IQGAP2: variants seen among roughly 807,000 people sequenced by gnomAD.
The protein encoded by IQGAP2 is IQ motif containing GTPase activating protein 2.
Under a neutral mutation model 201.3 loss-of-function variants are expected in IQGAP2, and 173 were observed. That is an observed-to-expected ratio of 0.86 (90% CI 0.76 to 0.98). The LOEUF is 0.98. Ranked by LOEUF, IQGAP2 falls within the 50% of genes least tolerant of loss-of-function variation. The pLI, the probability that IQGAP2 is intolerant of heterozygous loss-of-function variation, is 0.00. For missense variants in IQGAP2, 1,687 were observed against 1,864.8 expected (o/e 0.90, Z 1.76); for synonymous variants, 675 against 673.9 (o/e 1.00, Z -0.03).
chr5:76,487,675 T>C (rs1756251746), intron 2 of IQGAP2, among the ~76,000 whole-genome samples: 1 of 152,162 alleles, frequency 6.6e-6, no homozygotes, highest in African/African-American at 2.4e-5. Context: ...ATGTGCTTTT[T>C]TTTATGCAGC....
chr5:76,668,754 T>C lies in IQGAP2; in HGVS notation c.2753T>C (p.Val918Ala). 1 of 1,610,916 alleles carries C rather than the reference T, an allele frequency of 6.2e-7. No homozygotes were observed. Among genetic ancestry groups the C allele is most frequent in the Non-Finnish European group, 8.5e-7 (1 of 1,177,948 alleles). The stretch of plus-strand genomic sequence containing the variant: ...AAGTCCACTAAATTTATGGATACTG[T>C]TATTTTCACACTATATAATTATGCC... ...QNKSTKFMDT[V>A]IFTLYNYASN... is the part of the protein sequence containing the mutation. Residue 918 changes from valine to alanine, a missense_variant, in exon 23 of 36, where the codon GTT becomes GCT. Transcript: ENST00000274364.
intron 28 of IQGAP2, among the ~76,000 whole-genome samples, chr5:76,678,577 T>C (rs952238349): frequency 1.3e-5 from 2 of 152,222 alleles, no homozygotes; most frequent in African/African-American, 4.8e-5. Context: ...CCTGGGGATA[T>C]GTTAGCAATG....
At chr5:76,557,892 C>T (rs749377993) in intron 2 of IQGAP2, among the ~76,000 whole-genome samples, 6 of 152,032 alleles carry the variant, frequency 3.9e-5, no homozygotes, top group Non-Finnish European at 7.4e-5. Flanking sequence ...CTGCAACCTC[C>T]GCCTCTCAGA....
At chr5:76,540,081 C>T (rs1046409669) in intron 2 of IQGAP2, among the ~76,000 whole-genome samples, 3 of 152,114 alleles carry the variant, frequency 2.0e-5, no homozygotes, top group African/African-American at 7.2e-5. Context: ...CAAAGCGCCC[C>T]AAGTTTTCTT....
At chr5:76,485,750 C>T (rs1040800529) in intron 2 of IQGAP2, among the ~76,000 whole-genome samples, 2 of 152,174 alleles carry the variant, frequency 1.3e-5, no homozygotes, top group African/African-American at 4.8e-5. Flanking sequence ...TCATTCTGTA[C>T]AGCCCCCCAG....
At chr5:76,503,995 T>G (rs1336444718) in intron 2 of IQGAP2, among the ~76,000 whole-genome samples, 1 of 152,222 alleles carries the variant, frequency 6.6e-6, no homozygotes, top group Non-Finnish European at 1.5e-5. Flanking sequence ...GAATCTTGTG[T>G]CTCACAAGAC....
chr5:76,696,140 G>GT (rs1746723733), intron 32 of IQGAP2, among the ~76,000 whole-genome samples: 1 of 152,134 alleles, frequency 6.6e-6, no homozygotes, highest in Non-Finnish European at 1.5e-5. Context: ...ACACTTTCAT[G>GT]TCATTAGGAG....
intron 17 of IQGAP2, among the ~76,000 whole-genome samples, chr5:76,651,887 T>C (rs1300657257): frequency 6.6e-6 from 1 of 152,196 alleles, no homozygotes; most frequent in Non-Finnish European, 1.5e-5. Flanking sequence ...AAATTTCATT[T>C]ACCCTTTTTA....
At chr5:76,461,953 A>G (rs1325158290) in intron 2 of IQGAP2, among the ~76,000 whole-genome samples, 3 of 152,364 alleles carry the variant, frequency 2.0e-5, no homozygotes, top group Admixed American at 1.3e-4. Flanking sequence ...CATATGCTAC[A>G]TAGTTCTAAT....
intron 5 of IQGAP2, among the ~76,000 whole-genome samples, chr5:76,577,429 A>T (rs1291133985): frequency 6.6e-6 from 1 of 152,206 alleles, no homozygotes; most frequent in Non-Finnish European, 1.5e-5. Context: ...CATCATAGAC[A>T]TCTCCATTAC....
intron 1 of IQGAP2, among the ~76,000 whole-genome samples, chr5:76,422,130 G>T (rs1170855114): frequency 1.3e-5 from 2 of 152,158 alleles, no homozygotes; most frequent in Admixed American, 1.3e-4. Context: ...ACAGGAGGTG[G>T]CATCTATTTG....
intron 21 of IQGAP2, among the ~76,000 whole-genome samples, chr5:76,660,723 C>G (rs1035990977): frequency 4.6e-5 from 7 of 152,154 alleles, no homozygotes; most frequent in Non-Finnish European, 1.0e-4. Context: ...ATGTATCCAG[C>G]ATTTTTTAGC....
At chr5:76,639,045 C>T (rs1198530589) in intron 16 of IQGAP2, among the ~76,000 whole-genome samples, 1 of 152,206 alleles carries the variant, frequency 6.6e-6, no homozygotes, top group African/African-American at 2.4e-5. Flanking sequence ...ATGTGTAGAA[C>T]TGCGAATGAG....
At chr5:76,639,381 G>C (rs752733467) in intron 16 of IQGAP2, among the ~76,000 whole-genome samples, 2 of 152,132 alleles carry the variant, frequency 1.3e-5, no homozygotes, top group Non-Finnish European at 2.9e-5. Flanking sequence ...TGTGCCCATT[G>C]CTCTGGAATT....
intron 2 of IQGAP2, among the ~76,000 whole-genome samples, chr5:76,518,198 G>A (rs1758454251): frequency 6.6e-6 from 1 of 152,084 alleles, no homozygotes; most frequent in Non-Finnish European, 1.5e-5. Context: ...CTGACCTTAG[G>A]TGATCTGCTC....
Position 76,640,942 on chromosome 5 carries a change from G to A in IQGAP2, c.1933G>A (p.Glu645Lys). Residue 645 changes from glutamate (E) to lysine (K), a missense_variant, in exon 17 of 36, where the codon GAG (glutamate) becomes AAG (lysine). Transcript: ENST00000274364. ...LTGKEIEDIIEEVTVGYIREN... is the reference protein window; with the variant it reads ...LTGKEIEDIIKEVTVGYIREN... Reference sequence around the variant, plus strand: ...AAATATCTCTTGCCAGGACATTATTGAGGAAGTCACAGTAGGTTACATTCG... The same window carrying A: ...AAATATCTCTTGCCAGGACATTATTAAGGAAGTCACAGTAGGTTACATTCG... 1.3e-6 allele frequency: 2 copies of A among 1,584,208 alleles called. No homozygotes were observed. The highest frequency in any genetic ancestry group is 8.6e-7 in the Non-Finnish European group (1 of 1,157,152).
chr5:76,637,250 T>C (rs748360799), intron 16 of IQGAP2, 74 bp downstream of exon 16: 33 of 1,216,204 alleles, frequency 2.7e-5, no homozygotes, highest in Non-Finnish European at 3.7e-5. Flanking sequence ...TTCTGAATCA[T>C]GGAAGTGATG....
intron 28 of IQGAP2, 160 bp downstream of exon 28, chr5:76,677,510 C>G: frequency 2.0e-6 from 1 of 500,432 alleles, no homozygotes; most frequent in Non-Finnish European, 3.3e-6. Flanking sequence ...GACTCTTATA[C>G]ATTAATAAAA....
At chr5:76,457,571 A>G (rs1009826725) in intron 1 of IQGAP2, among the ~76,000 whole-genome samples, 1 of 152,214 alleles carries the variant, frequency 6.6e-6, no homozygotes, top group East Asian at 1.9e-4. Flanking sequence ...GTGAATTTTA[A>G]TACAAAGTGT....
Sources: allele counts gnomAD v4.1 joint callset (sites outside exome capture counted in the v4.1 genomes callset), GRCh38; gene constraint gnomAD v4.1.1; transcripts MANE v1.5; gene names NCBI Gene and HGNC (gene_info 2026-07-23, HGNC 2026-07-21).